The following NAV3 variants were observed in gnomAD, a reference collection of about 807,000 sequenced individuals.
The protein encoded by NAV3 is pore membrane and/or filament interacting like protein 1.
In NAV3, 87 loss-of-function variants were observed where a neutral mutation model predicts 244.7. The observed-to-expected ratio is 0.36, with a 90% confidence interval of 0.30 to 0.42. NAV3 has a LOEUF of 0.42. Ranked by LOEUF, NAV3 falls within the 20% of genes least tolerant of loss-of-function variation. The pLI, the probability that NAV3 is intolerant of heterozygous loss-of-function variation, is 1.00. For missense variants in NAV3, 2,663 were observed against 2,893.3 expected, an observed-to-expected ratio of 0.92 and a Z score of 1.83; for synonymous variants, 1,126 against 1,042.2, an observed-to-expected ratio of 1.08 and a Z score of -1.55.
intron 2 of NAV3, among the ~76,000 whole-genome samples, chr12:77,696,907 A>G (rs896570785): frequency 3.9e-5 from 6 of 152,154 alleles, no homozygotes; most frequent in African/African-American, 1.4e-4. Context: ...ATCTACTGCC[A>G]GTTCAAAATC....
chr12:77,850,267 T>C (rs1877313024), intron 1 of NAV3, among the ~76,000 whole-genome samples: 1 of 152,212 alleles, frequency 6.6e-6, no homozygotes, highest in Admixed American at 6.5e-5. Context: ...CTCTGTTCAA[T>C]AACAATATCC....
intron 12 of NAV3, among the ~76,000 whole-genome samples, chr12:78,106,997 C>T (rs1954834797): frequency 6.6e-6 from 1 of 152,172 alleles, no homozygotes; most frequent in Non-Finnish European, 1.5e-5. Flanking sequence ...ACTGCACACA[C>T]CCATAATCAA....
At chr12:77,836,335 A>C (rs1400850813) in intron 1 of NAV3, among the ~76,000 whole-genome samples, 1 of 152,110 alleles carries the variant, frequency 6.6e-6, no homozygotes, top group Non-Finnish European at 1.5e-5. Flanking sequence ...TTGGTCTGCC[A>C]CCTTTCTTTT....
At chr12:78,018,928 T>C (rs1282261460) in intron 8 of NAV3, among the ~76,000 whole-genome samples, 2 of 151,998 alleles carry the variant, frequency 1.3e-5, no homozygotes, top group Non-Finnish European at 2.9e-5. Context: ...GAACAGACTT[T>C]AGTAGACTTT....
chr12:77,708,603 A>G (rs113210674), intron 2 of NAV3, among the ~76,000 whole-genome samples: 7,989 of 152,190 alleles, frequency 0.052, 481 homozygotes, highest in African/African-American at 0.15. Context: ...GAAGAAGGTC[A>G]TTGGTAGCTT....
chr12:77,791,197 T>A (rs1435189162), intron 2 of NAV3, among the ~76,000 whole-genome samples: 1 of 151,824 alleles, frequency 6.6e-6, no homozygotes, highest in African/African-American at 2.4e-5. Flanking sequence ...CTACTAAAAA[T>A]ACAAAAATTA....
chr12:77,622,963 A>G (rs535088654), intron 2 of NAV3, among the ~76,000 whole-genome samples: 1 of 152,300 alleles, frequency 6.6e-6, no homozygotes, highest in South Asian at 2.1e-4. Flanking sequence ...TGGTTTTCAC[A>G]GTGACTTTCA....
intron 23 of NAV3, among the ~76,000 whole-genome samples, chr12:78,160,380 TGTGTGTGTGTGTGTGTGTGCGTGC>T (rs908712082): frequency 2.4e-5 from 2 of 83,674 alleles, no homozygotes; most frequent in African/African-American, 8.8e-5. Context: ...TTCTATGGAG[TGTGTGTGTGTGTGTGTGTGCGTGC>T]GTGTGTGTGT....
chr12:77,691,976 T>C (rs1875054510), intron 2 of NAV3, among the ~76,000 whole-genome samples: 1 of 152,012 alleles, frequency 6.6e-6, no homozygotes, highest in Admixed American at 6.6e-5. Flanking sequence ...GTAGAGACTA[T>C]ACTTTTAACC....
At chr12:77,888,118 G>T (rs1224461554) in intron 1 of NAV3, among the ~76,000 whole-genome samples, 1 of 151,564 alleles carries the variant, frequency 6.6e-6, no homozygotes, top group African/African-American at 2.4e-5. Flanking sequence ...TTAACCATGG[G>T]TTTGCAAAAG....
chr12:78,167,232 A>C (rs187120318), intron 23 of NAV3, among the ~76,000 whole-genome samples: 51 of 151,904 alleles, frequency 3.4e-4, no homozygotes, highest in Non-Finnish European at 6.2e-4. Flanking sequence ...TGACACTGGA[A>C]ATTTCCCACA....
At chr12:77,873,744 G>GTGTGTATATATATGTATA (rs776225440) in intron 1 of NAV3, among the ~76,000 whole-genome samples, 3 of 73,182 alleles carry the variant, frequency 4.1e-5, no homozygotes, top group Non-Finnish European at 8.7e-5. Context: ...ATGTGTGTGT[G>GTGTGTATATATATGTATA]TATATATATA....
At chr12:77,679,472 G>A (rs1874351946) in intron 2 of NAV3, among the ~76,000 whole-genome samples, 1 of 152,120 alleles carries the variant, frequency 6.6e-6, no homozygotes, top group African/African-American at 2.4e-5. Flanking sequence ...TTCTCGTCAT[G>A]TTGAGTTTGC....
chr12:77,778,566 C>T (rs572575812), intron 2 of NAV3, among the ~76,000 whole-genome samples: 4 of 148,170 alleles, frequency 2.7e-5, no homozygotes, highest in Non-Finnish European at 4.4e-5. Context: ...GAACTGAGAT[C>T]GCGCCACTGC....
rs199687299 is a variant in NAV3, at chr12:78,177,280, C to T, written c.5264C>T (p.Ser1755Leu). The T allele has an allele frequency of 1.7e-5, 27 of 1,613,250 alleles. No homozygotes were observed. The highest frequency in any genetic ancestry group is 2.2e-5 in the Non-Finnish European group (26 of 1,179,606). Residue 1755 changes from serine to leucine, a missense_variant, in exon 27 of 40, where the codon TCA becomes TTA. Coordinates refer to ENST00000397909, the MANE Select transcript of NAV3 (RefSeq NM_001024383.2). ...KLPHNAGDCG[S>L]ASMKPSQSAS... ...CCCCATAATGCTGGTGACTGTGGCT[C>T]AGCATCCATGAAGCCCTCACAATCT... is the stretch of plus-strand genomic sequence containing the variant.
chr12:77,656,066 C>A (rs1446022409), intron 2 of NAV3, among the ~76,000 whole-genome samples: 3 of 151,118 alleles, frequency 2.0e-5, no homozygotes, highest in East Asian at 3.9e-4. Context: ...GCAGAATAAC[C>A]AGCTTACATC....
Position 78,176,567 on chromosome 12 carries a change from A to T in NAV3, c.5124+108A>T. The T allele has an allele frequency of 1.6e-5, 16 of 973,384 alleles. No individual in the cohort carries two copies. In the South Asian group the frequency reaches 2.4e-4, roughly 15 times the overall value. The allele number at this position is 973,384 out of a possible 1,614,324, so 60.3% of individuals were successfully genotyped here. On this transcript the variant is annotated intron_variant, in intron 26 of 39. Transcript: ENST00000397909. The stretch of plus-strand genomic sequence containing the variant: ...GCTTTTATACCTTTTAAAACAGATT[A>T]CCTTGTATGTCTTTTCTTTGTGTCT...
intron 12 of NAV3, among the ~76,000 whole-genome samples, chr12:78,092,847 C>T (rs1954034687): frequency 6.6e-6 from 1 of 152,136 alleles, no homozygotes; most frequent in Non-Finnish European, 1.5e-5. Flanking sequence ...CTTGGGTCTT[C>T]AGTCAAATTT....
chr12:77,842,942 G>A (rs1875941532), intron 1 of NAV3, among the ~76,000 whole-genome samples: 1 of 151,942 alleles, frequency 6.6e-6, no homozygotes, highest in Non-Finnish European at 1.5e-5. Flanking sequence ...CACTTTTTAG[G>A]CTTAAAAAAT....
Sources: allele counts gnomAD v4.1 joint callset (sites outside exome capture counted in the v4.1 genomes callset), GRCh38; gene constraint gnomAD v4.1.1; transcripts MANE v1.5; gene names NCBI Gene and HGNC (gene_info 2026-07-23, HGNC 2026-07-21).